Variants in CLDN14 observed in about 807,000 individuals in gnomAD.
CLDN14 encodes the protein claudin 14, also known as claudin-14.
A neutral mutation model predicts 2.1 loss-of-function variants in CLDN14; 2 were observed. The ratio of observed to expected loss-of-function variants is 0.96; its 90% CI spans 0.39 to 3.01. The LOEUF is 3.01. Among genes scored for constraint, CLDN14 ranks in the 30% most tolerant of loss-of-function variants. The pLI is 0.09. For synonymous variants in CLDN14, 136 were observed against 154.4 expected (o/e 0.88, Z 0.88); for missense variants, 298 against 328.0 (o/e 0.91, Z 0.71).
Position 36,524,736 on chromosome 21 carries a change from G to C in CLDN14, c.-219-14236C>G, listed in dbSNP as rs565158048. 2.6e-5 allele frequency among the ~76,000 whole-genome samples: 4 copies of C among 152,276 alleles called. No individual in the cohort carries two copies. In the East Asian group the frequency reaches 7.7e-4, roughly 29 times the overall value. ...ACAGCCACTGGCCACTTCCCAGCAGGGCTGGTGGGCACTTGTGAGAATGGG... is the reference window on the plus strand; with the variant it reads ...ACAGCCACTGGCCACTTCCCAGCAGCGCTGGTGGGCACTTGTGAGAATGGG... On this transcript the variant is annotated intron_variant, in intron 1 of 2. Transcript: ENST00000342108.
upstream of CLDN14, chr21:36,480,782 GACTT>G (rs1299014613): frequency 6.6e-6 from 1 of 152,114 alleles, no homozygotes. Context: ...CAGGGCCAGG[GACTT>G]ACTTGGGCTT....
chr21:36,522,639 G>T (rs146028147), intron 1 of CLDN14, among the ~76,000 whole-genome samples: 41 of 152,320 alleles, frequency 2.7e-4, no homozygotes, highest in African/African-American at 9.4e-4. Flanking sequence ...GGAGAACAGC[G>T]CAAGAAGATG....
At chr21:36,478,267 A>G (rs896995370) in intron 1 of CLDN14, among the ~76,000 whole-genome samples, 2 of 152,210 alleles carry the variant, frequency 1.3e-5, no homozygotes, top group Admixed American at 1.3e-4. Flanking sequence ...GGGTAAATAA[A>G]ACACAGTAAG....
intron 2 of CLDN14, among the ~76,000 whole-genome samples, chr21:36,507,470 T>TA: frequency 6.6e-6 from 1 of 151,976 alleles, no homozygotes; most frequent in Non-Finnish European, 1.5e-5. Context: ...GTTACTTCAA[T>TA]AAAAAAAGGT....
intron 1 of CLDN14, among the ~76,000 whole-genome samples, chr21:36,566,685 G>T (rs2087675104): frequency 6.6e-6 from 1 of 152,198 alleles, no homozygotes; most frequent in South Asian, 2.1e-4. Flanking sequence ...CCAGCAGGCT[G>T]CCATGTGCAA....
chr21:36,461,127 G>T lies in CLDN14; in HGVS notation c.569C>A (p.Pro190His). ...LLCLSCQDEA[P>H]YRPYQAPPRA... ...GGGCGGGGCCTGGTAGGGCCTGTAG[G>T]GTGCCTCGTCCTGGCAGGACAGGCA... The change falls in exon 2 of 2, where the codon CCC (proline) becomes CAC (histidine). Residue 190 changes from proline (P) to histidine (H), a missense_variant. Coordinates refer to ENST00000399135, the MANE Select transcript of CLDN14 (RefSeq NM_001146079.2). 6.2e-7 allele frequency: 1 copy of T among 1,613,940 alleles called. No homozygotes were observed. Among genetic ancestry groups the T allele is most frequent in the Admixed American group, 1.7e-5 (1 of 60,024 alleles).
At chr21:36,570,747 T>C (rs2146529398) in intron 1 of CLDN14, among the ~76,000 whole-genome samples, 1 of 152,358 alleles carries the variant, frequency 6.6e-6, no homozygotes, top group Admixed American at 6.5e-5. Flanking sequence ...TGCTCTTCTC[T>C]TCTGTGTGTT....
At chr21:36,528,883 C>A (rs1296235884) in intron 1 of CLDN14, among the ~76,000 whole-genome samples, 4 of 152,222 alleles carry the variant, frequency 2.6e-5, no homozygotes, top group African/African-American at 9.6e-5. Context: ...GTGTGAGCCG[C>A]AACCCTGCCT....
intron 1 of CLDN14, among the ~76,000 whole-genome samples, chr21:36,465,956 G>T (rs987054096): frequency 2.6e-5 from 4 of 152,220 alleles, no homozygotes; most frequent in African/African-American, 9.7e-5. Flanking sequence ...TGGGTGGGGA[G>T]TATGTGGCTT....
chr21:36,528,764 C>T (rs1601625083), intron 1 of CLDN14, among the ~76,000 whole-genome samples: 1 of 152,304 alleles, frequency 6.6e-6, no homozygotes, highest in Admixed American at 6.5e-5. Flanking sequence ...GTTGGAGGCA[C>T]CAGAAGGTTC....
intron 1 of CLDN14, among the ~76,000 whole-genome samples, chr21:36,559,661 T>A (rs2087620966): frequency 6.6e-6 from 1 of 152,240 alleles, no homozygotes. Context: ...AGGATAAACA[T>A]AAAATCTAAA....
intron 1 of CLDN14, among the ~76,000 whole-genome samples, chr21:36,545,894 G>A (rs1351518796): frequency 6.6e-6 from 1 of 152,078 alleles, no homozygotes; most frequent in South Asian, 2.1e-4. Flanking sequence ...AGGAGGCAAC[G>A]AAACCTCTTC....
chr21:36,519,640 G>T (rs1388895189), intron 1 of CLDN14, among the ~76,000 whole-genome samples: 1 of 152,190 alleles, frequency 6.6e-6, no homozygotes, highest in Non-Finnish European at 1.5e-5. Flanking sequence ...AACCCGGCAG[G>T]TGGAGGTTGC....
chr21:36,463,140 C>T (rs544523414), intron 1 of CLDN14, among the ~76,000 whole-genome samples: 7 of 152,268 alleles, frequency 4.6e-5, no homozygotes, highest in Admixed American at 1.3e-4. Flanking sequence ...AGGTAATCAG[C>T]GAGACCGGGC....
Position 36,551,780 on chromosome 21 carries a change from T to C in CLDN14, c.-220+24631A>G, listed in dbSNP as rs2087565086. 6.6e-6 allele frequency among the ~76,000 whole-genome samples: 1 copy of C among 152,126 alleles called. No individual in the cohort carries two copies. The highest frequency in any genetic ancestry group is 1.5e-5 in the Non-Finnish European group (1 of 68,026). On this transcript the variant is annotated intron_variant, in intron 1 of 2. Transcript: ENST00000342108. The surrounding 1 kb of genome is among the most constrained non-coding windows in gnomAD (Gnocchi z 4.8). ...AGAACAATCACATCAAGCAAAATGC[T>C]CACTCACTGACAGAGATCAATGAAG...
upstream of CLDN14, among the ~76,000 whole-genome samples, chr21:36,484,976 T>TA (rs879830777): frequency 0.01 from 1,538 of 146,700 alleles, 33 homozygotes; most frequent in Admixed American, 0.024. Flanking sequence ...CCTCCCAAAG[T>TA]GCTGGGATTA....
chr21:36,488,271 T>TTCCTTCCTTCCC (rs1388773989), intron 2 of CLDN14, among the ~76,000 whole-genome samples: 24 of 149,594 alleles, frequency 1.6e-4, no homozygotes, highest in African/African-American at 5.9e-4. Context: ...CCTTCCTTCC[T>TTCCTTCCTTCCC]TCCCTCTCTC....
intron 1 of CLDN14, among the ~76,000 whole-genome samples, chr21:36,533,036 G>T (rs1348639015): frequency 6.6e-6 from 1 of 152,170 alleles, no homozygotes; most frequent in Non-Finnish European, 1.5e-5. Context: ...CATCTGTGGT[G>T]CTCCTCCTGA....
chr21:36,553,491 G>C (rs530943143), intron 1 of CLDN14, among the ~76,000 whole-genome samples: 20 of 152,176 alleles, frequency 1.3e-4, no homozygotes, highest in African/African-American at 4.6e-4. Flanking sequence ...GCCAATGCTA[G>C]AAATGGCCAA....
Sources: gnomAD v4.1 joint callset for allele counts (sites outside exome capture counted in the v4.1 genomes callset) on GRCh38, gnomAD v4.1.1 for gene constraint, Gnocchi (gnomAD v3.1) non-coding constraint, MANE v1.5 for transcripts, NCBI Gene and HGNC (gene_info 2026-07-23, HGNC 2026-07-21) for gene names.